UGT1A10: variants seen among roughly 807,000 people sequenced by gnomAD.
UGT1A10 encodes the protein UDP glucuronosyltransferase family 1 member A10.
UGT1A10 carries 49 observed loss-of-function variants against 45.8 expected under a neutral mutation model. That is an observed-to-expected ratio of 1.07 (90% CI 0.85 to 1.36). The LOEUF (loss-of-function observed/expected upper bound fraction) is 1.36, where lower values mean the gene tolerates loss of function less well. Among genes scored for constraint, UGT1A10 ranks in the 40% most tolerant of loss-of-function variants. The pLI is 0.00. For missense variants in UGT1A10, 745 were observed against 668.6 expected (o/e 1.11, Z -1.26); for synonymous variants, 284 against 249.7 (o/e 1.14, Z -1.29).
chr2:233,646,546 A>T (rs1293430462), intron 1 of UGT1A10, among the ~76,000 whole-genome samples: 2 of 152,194 alleles, frequency 1.3e-5, no homozygotes, highest in Admixed American at 6.5e-5. Context: ...TTCTCACACC[A>T]GTTACCCTAA....
intron 1 of UGT1A10, among the ~76,000 whole-genome samples, chr2:233,745,523 G>C (rs530279744): frequency 6.6e-6 from 1 of 151,554 alleles, no homozygotes; most frequent in Non-Finnish European, 1.5e-5. Context: ...GGTCTAATGG[G>C]GATGTGTTAT....
Position 233,661,730 on chromosome 2 carries a change from G to A in UGT1A10, c.855+24353G>A, listed in dbSNP as rs753647964. 5.6e-5 allele frequency among the ~76,000 whole-genome samples: 7 copies of A among 125,196 alleles called. No homozygotes were observed. The South Asian group carries it at 7.7e-4, about 14-fold the overall frequency. The allele number at this position is 125,196 out of a possible 152,430, so 82.1% of individuals were successfully genotyped here. ...ATTCTTTTTTTTTTTTTTAATGATCGCCAACCACAGCTGCAGTCCTCAACC... is the reference window on the plus strand; with the variant it reads ...ATTCTTTTTTTTTTTTTTAATGATCACCAACCACAGCTGCAGTCCTCAACC... On this transcript the variant is annotated intron_variant, in intron 1 of 4. Coordinates refer to ENST00000344644, the MANE Select transcript of UGT1A10 (RefSeq NM_019075.4).
chr2:233,713,717 G>T, intron 1 of UGT1A10: 1 of 1,613,946 alleles, frequency 6.2e-7, no homozygotes, highest in Non-Finnish European at 8.5e-7. Flanking sequence ...TTCAGAGAGA[G>T]GTGTCAGTGG....
At chr2:233,696,988 G>T (rs914918936) in intron 1 of UGT1A10, among the ~76,000 whole-genome samples, 5 of 152,034 alleles carry the variant, frequency 3.3e-5, no homozygotes, top group Non-Finnish European at 1.5e-5. Context: ...CTGGTGTTTC[G>T]TTGAGATTTT....
At chr2:233,762,024 A>T (rs1393568604) in intron 1 of UGT1A10, among the ~76,000 whole-genome samples, 1 of 151,856 alleles carries the variant, frequency 6.6e-6, no homozygotes, top group Non-Finnish European at 1.5e-5. Context: ...TTTGTATTTT[A>T]TTTTTTTTAA....
chr2:233,719,848 T>G (rs1575529888), intron 1 of UGT1A10, among the ~76,000 whole-genome samples: 1 of 152,206 alleles, frequency 6.6e-6, no homozygotes, highest in Non-Finnish European at 1.5e-5. Context: ...TATTTCAAGT[T>G]TTCAGTGGTC....
chr2:233,768,138 G>A, intron 3 of UGT1A10, 82 bp from the exon 4 acceptor site: 1 of 1,609,178 alleles, frequency 6.2e-7, no homozygotes, highest in Non-Finnish European at 8.5e-7. Context: ...CTGAGTCTTT[G>A]GAGTGTTTTC....
chr2:233,692,652 A>G lies in UGT1A10; in HGVS notation c.855+55275A>G, dbSNP rs952834629. On this transcript the variant is annotated intron_variant, in intron 1 of 4. Coordinates refer to ENST00000344644, the MANE Select transcript of UGT1A10 (RefSeq NM_019075.4). ...AGACAACGTCAATGATGAGGAATCC[A>G]GCAAGTTCGGGATAGAGAATTGGCA... 1.1e-4 allele frequency among the ~76,000 whole-genome samples: 16 copies of G among 152,334 alleles called. 1 individual carries two copies. The highest frequency in any genetic ancestry group is 6.8e-3 in the Middle Eastern group (2 of 294).
At chr2:233,751,878 G>C (rs139907629) in intron 1 of UGT1A10, among the ~76,000 whole-genome samples, 11 of 152,224 alleles carry the variant, frequency 7.2e-5, no homozygotes, top group African/African-American at 2.4e-4. Flanking sequence ...CCCCGTCTTG[G>C]GTATGTCTTT....
chr2:233,724,330 C>A (rs1214568164), intron 1 of UGT1A10, among the ~76,000 whole-genome samples: 2 of 122,004 alleles, frequency 1.6e-5, no homozygotes, highest in African/African-American at 6.2e-5. Context: ...GCTGGCCAGG[C>A]GGGGGGCTGA....
chr2:233,701,223 G>C (rs1559351682), intron 1 of UGT1A10, among the ~76,000 whole-genome samples: 1 of 152,114 alleles, frequency 6.6e-6, no homozygotes, highest in East Asian at 1.9e-4. Flanking sequence ...ATAATCCTTT[G>C]GGTATATACC....
At chr2:233,655,237 T>C (rs2073831221) in intron 1 of UGT1A10, among the ~76,000 whole-genome samples, 1 of 152,214 alleles carries the variant, frequency 6.6e-6, no homozygotes, top group Non-Finnish European at 1.5e-5. Context: ...CAAAGTCTAT[T>C]ATCAGCTACC....
intron 1 of UGT1A10, among the ~76,000 whole-genome samples, chr2:233,765,663 C>T (rs1698902511): frequency 6.6e-6 from 1 of 151,426 alleles, no homozygotes; most frequent in South Asian, 2.1e-4. Flanking sequence ...CAGCAAACCA[C>T]CATGGCATAT....
chr2:233,769,480 CGT>C lies in UGT1A10; in HGVS notation c.1295+1046_1295+1047del. 6.3e-7 allele frequency: 1 copy of C among 1,596,850 alleles called. No individual in the cohort carries two copies. Among genetic ancestry groups the C allele is most frequent in the East Asian group, 2.2e-5 (1 of 44,628 alleles). ...ATTCATATGCGTGTGTGTGTGTGTG[CGT>C]GTGTTTATGAGAGTGTCCATTGCTT... On this transcript the variant is annotated intron_variant, in intron 4 of 4. Transcript: ENST00000344644. The surrounding 1 kb of genome is among the most constrained non-coding windows in gnomAD (Gnocchi z 4.4).
chr2:233,681,904 A>T (rs766247764), intron 1 of UGT1A10: 14 of 1,596,016 alleles, frequency 8.8e-6, no homozygotes, highest in African/African-American at 1.3e-5. Flanking sequence ...GGAGCTTAGA[A>T]TCCCAGCTGC....
intron 1 of UGT1A10, among the ~76,000 whole-genome samples, chr2:233,710,543 A>G (rs2076136295): frequency 6.6e-6 from 1 of 152,198 alleles, no homozygotes; most frequent in Admixed American, 6.5e-5. Flanking sequence ...CTTATTGATC[A>G]TATGCCTGTT....
In UGT1A10 at chr2:233,676,479, C is replaced by T. The variant is rs34707303; in HGVS notation, c.855+39102C>T. 8.8e-3 allele frequency among the ~76,000 whole-genome samples: 1,340 copies of T among 152,296 alleles called. 16 individuals are homozygous for T. Among genetic ancestry groups the T allele is most frequent in the Middle Eastern group, 0.024 (7 of 294 alleles). The stretch of plus-strand genomic sequence containing the variant: ...ATCACAACTCATTCACCAATATTGA[C>T]GCATAATGATGAGCTAAAAGCTAAA... On this transcript the variant is annotated intron_variant, in intron 1 of 4. Coordinates refer to ENST00000344644, the MANE Select transcript of UGT1A10 (RefSeq NM_019075.4).
intron 1 of UGT1A10, chr2:233,755,083 C>G: frequency 1.5e-6 from 2 of 1,335,264 alleles, no homozygotes; most frequent in Non-Finnish European, 2.0e-6. Context: ...TCATAGATAT[C>G]GCGTTTCTAC....
At chr2:233,757,773 G>A (rs1419561449) in intron 1 of UGT1A10, among the ~76,000 whole-genome samples, 2 of 151,708 alleles carry the variant, frequency 1.3e-5, no homozygotes, top group African/African-American at 2.4e-5. Context: ...TTAGTAATAA[G>A]CCTGTCATTC....
Sources: gnomAD v4.1 joint callset for allele counts (sites outside exome capture counted in the v4.1 genomes callset) on GRCh38, gnomAD v4.1.1 for gene constraint, Gnocchi (gnomAD v3.1) non-coding constraint, MANE v1.5 for transcripts, NCBI Gene and HGNC (gene_info 2026-07-23, HGNC 2026-07-21) for gene names.